Variants in PRTN3 observed in about 807,000 individuals in gnomAD.
PRTN3 encodes myeloblastin.
In PRTN3, 22 loss-of-function variants were observed where a neutral mutation model predicts 20.7. The observed-to-expected ratio is 1.06, with a 90% confidence interval of 0.76 to 1.52. The LOEUF is 1.52. Among genes scored for constraint, PRTN3 ranks in the 40% most tolerant of loss-of-function variants. The pLI, the probability that PRTN3 is intolerant of heterozygous loss-of-function variation, is 0.00. For missense variants in PRTN3, 378 were observed against 359.6 expected, an observed-to-expected ratio of 1.05 and a Z score of -0.41; for synonymous variants, 173 against 152.9, an observed-to-expected ratio of 1.13 and a Z score of -0.97.
rs1187144101 is a variant in PRTN3 at position 846,329 on chromosome 19, A to C, written c.552A>C (p.Pro184=). The change falls in exon 4 of 5, where the codon CCA becomes CCC. Residue 184 remains proline, a synonymous_variant. Coordinates refer to ENST00000234347, the MANE Select transcript of PRTN3 (RefSeq NM_002777.4). ...CCGTGGTCACCTTCTTCTGCCGGCC[A>C]CATAACATTTGCACTTTCGTCCCTC... ...NVTVVTFFCR[P]HNICTFVPRR... The C allele has an allele frequency of 5.0e-6, 8 of 1,589,752 alleles. No homozygotes were observed.
At chr19:842,924 T>G (rs1191346237) in intron 1 of PRTN3, among the ~76,000 whole-genome samples, 1 of 149,534 alleles carries the variant, frequency 6.7e-6, no homozygotes, top group Non-Finnish European at 1.5e-5. Context: ...TTTTTTAAAT[T>G]TTGTTTTAGA....
Position 843,976 on chromosome 19 carries a change from A to G in PRTN3, c.311A>G (p.Gln104Arg). The part of the protein sequence containing the change: ...EPTQQHFSVA[Q>R]VFLNNYDAEN... ...ACCCAGCAGCACTTCTCGGTGGCTC[A>G]GGTGTTTCTGAACAACTACGACGCG... Residue 104 changes from glutamine to arginine, a missense_variant, in exon 3 of 5, where the codon CAG (glutamine) becomes CGG (arginine). Coordinates refer to ENST00000234347, the MANE Select transcript of PRTN3 (RefSeq NM_002777.4). The G allele has an allele frequency of 2.1e-5, 34 of 1,604,508 alleles. No homozygotes were observed. The highest frequency in any genetic ancestry group is 2.9e-5 in the Non-Finnish European group (34 of 1,176,304).
chr19:846,854 T>C (rs2035524419), intron 4 of PRTN3, among the ~76,000 whole-genome samples: 1 of 152,126 alleles, frequency 6.6e-6, no homozygotes, highest in South Asian at 2.1e-4. Flanking sequence ...GGTATTCTCC[T>C]GCCTCAGCCT....
chr19:848,001 C>G lies in PRTN3; in HGVS notation c.*32C>G. 3 of 1,571,534 alleles carry G rather than the reference C, an allele frequency of 1.9e-6. No individual in the cohort carries two copies. The highest frequency in any genetic ancestry group is 2.6e-6 in the Non-Finnish European group (3 of 1,160,346). Reference sequence around the variant, plus strand: ...CCTCCCACAGCGCTGGCCGGGACCCCGAGCCTGGCTCCAAACCCTCGAGGC... The same window carrying G: ...CCTCCCACAGCGCTGGCCGGGACCCGGAGCCTGGCTCCAAACCCTCGAGGC... On this transcript the variant is annotated 3_prime_UTR_variant, in exon 5 of 5. Transcript: ENST00000234347.
chr19:841,341 T>G (rs1462421958), intron 1 of PRTN3, among the ~76,000 whole-genome samples: 1 of 152,220 alleles, frequency 6.6e-6, no homozygotes, highest in Admixed American at 6.5e-5. Context: ...GGGAATTAGC[T>G]AGTAACAGGC....
rs1195204654 is a variant in PRTN3 at position 846,268 on chromosome 19, AC to A, written c.497del (p.Pro166GlnfsTer42). 5 of 1,575,252 alleles carry A rather than the reference AC, an allele frequency of 3.2e-6. No homozygotes were observed. The highest frequency in any genetic ancestry group is 1.8e-5 in the Admixed American group (1 of 54,584). ...GGCTGGGGCCGCGTGGGTGCCCACG[AC>A]CCCCCAGCCCAGGTCCTGCAGGAGC... ...AMGWGRVGAH[D>X]PPAQVLQELN... On this transcript the variant is annotated frameshift_variant, in exon 4 of 5. Coordinates refer to ENST00000234347, the MANE Select transcript of PRTN3 (RefSeq NM_002777.4). LOFTEE classifies it high-confidence loss of function.
At chr19:846,441 G>C (rs2035518321) in intron 4 of PRTN3, 64 bp downstream of exon 4, 1 of 1,450,992 alleles carries the variant, frequency 6.9e-7, no homozygotes, top group Non-Finnish European at 9.4e-7. Flanking sequence ...CGGCGGCCAG[G>C]GTTCCACGCC....
chr19:845,561 A>G (rs1295027135), intron 3 of PRTN3, among the ~76,000 whole-genome samples: 1 of 152,100 alleles, frequency 6.6e-6, no homozygotes, highest in East Asian at 1.9e-4. Context: ...TAAAAATACA[A>G]AAATTAGCTG....
At chr19:841,143 C>T in intron 1 of PRTN3, 74 bp downstream of exon 1, 3 of 1,536,798 alleles carry the variant, frequency 2.0e-6, no homozygotes, top group Non-Finnish European at 2.6e-6. Flanking sequence ...ACCACGAGGT[C>T]CATCCAAAGC....
At chr19:841,902 T>A (rs1488477086) in intron 1 of PRTN3, among the ~76,000 whole-genome samples, 1 of 151,480 alleles carries the variant, frequency 6.6e-6, no homozygotes, top group Non-Finnish European at 1.5e-5. Flanking sequence ...TAATTTTTTG[T>A]AATTTTTGTA....
In PRTN3 at chr19:846,179, C is replaced by T. The variant is rs1307598520; in HGVS notation, c.402C>T (p.Val134=). ...LSSPANLSAS[V]ATVQLPQQDQ... is the part of the protein sequence containing the mutation. ...GCCCAGCCAACCTCAGTGCCTCCGT[C>T]GCCACAGTCCAGCTGCCACAGCAGG... The change falls in exon 4 of 5, where the codon GTC becomes GTT. Residue 134 remains valine (V), a synonymous_variant. Transcript: ENST00000234347. 3.4e-6 allele frequency: 5 copies of T among 1,492,288 alleles called. No individual in the cohort carries two copies. Among genetic ancestry groups the T allele is most frequent in the East Asian group, 2.6e-5 (1 of 38,210 alleles). 92.4% of individuals were successfully genotyped at this position (1,492,288 alleles called of 1,614,324 possible).
In PRTN3 at chr19:843,892, G is replaced by A. The variant is rs2035478951; in HGVS notation, c.228-1G>A. 6.3e-7 allele frequency: 1 copy of A among 1,587,800 alleles called. No homozygotes were observed. Among genetic ancestry groups the A allele is most frequent in the East Asian group, 2.3e-5 (1 of 43,840 alleles). On this transcript the variant is annotated splice_acceptor_variant, in intron 2 of 4. Coordinates refer to ENST00000234347, the MANE Select transcript of PRTN3 (RefSeq NM_002777.4). LOFTEE classifies it high-confidence loss of function. ...GAGGAGTGACCACCCCACCCCCGCA[G>A]ACCCCAGCGCCTGGTGAACGTGGTG...
Position 843,627 on chromosome 19 carries a change from G to T in PRTN3, c.227+1G>T. ...CGGCCGCGCACTGCCTGCGGGACAT[G>T]TGAGCGGCCGCCTCCACACCCCTGT... On this transcript the variant is annotated splice_donor_variant, in intron 2 of 4. Transcript: ENST00000234347. LOFTEE classifies it high-confidence loss of function. The T allele has an allele frequency of 1.3e-6, 2 of 1,556,846 alleles. No individual in the cohort carries two copies. The highest frequency in any genetic ancestry group is 1.7e-6 in the Non-Finnish European group (2 of 1,158,548).
intron 1 of PRTN3, 86 bp from the exon 2 acceptor site, chr19:843,375 G>A (rs1339053999): frequency 4.9e-5 from 67 of 1,374,382 alleles, no homozygotes; most frequent in Non-Finnish European, 6.3e-5. Flanking sequence ...GGAGACGGAG[G>A]CTCGGAGAGG....
At chr19:844,151 GCT>G in intron 3 of PRTN3, 117 bp downstream of exon 3, 1 of 1,343,494 alleles carries the variant, frequency 7.4e-7, no homozygotes, top group Non-Finnish European at 9.9e-7. Context: ...GACCGAGGCC[GCT>G]GCAGCCTGGG....
chr19:847,183 G>A (rs986020604), intron 4 of PRTN3, among the ~76,000 whole-genome samples: 10 of 152,186 alleles, frequency 6.6e-5, no homozygotes, highest in Non-Finnish European at 1.5e-5. Context: ...ATGTGAGCCT[G>A]TAGGCCCAGC....
intron 3 of PRTN3, among the ~76,000 whole-genome samples, chr19:845,133 A>AAC (rs2035499749): frequency 6.6e-6 from 1 of 151,826 alleles, no homozygotes. Context: ...TTTTTAGTAG[A>AAC]GACGGTGTTT....
intron 1 of PRTN3, among the ~76,000 whole-genome samples, chr19:842,744 C>T (rs573770879): frequency 2.0e-5 from 3 of 151,282 alleles, no homozygotes; most frequent in Non-Finnish European, 4.4e-5. Context: ...CGTGCCACCA[C>T]GCCCAGCTAA....
At chr19:846,782 GT>G (rs2035523563) in intron 4 of PRTN3, among the ~76,000 whole-genome samples, 1 of 152,088 alleles carries the variant, frequency 6.6e-6, no homozygotes, top group Admixed American at 6.6e-5. Flanking sequence ...TCGCTCTGTT[GT>G]CCAGGCTGGA....
Sources: allele counts gnomAD v4.1 joint callset (sites outside exome capture counted in the v4.1 genomes callset), GRCh38; gene constraint gnomAD v4.1.1; transcripts MANE v1.5; gene names NCBI Gene and HGNC (gene_info 2026-07-23, HGNC 2026-07-21).